The following GPR89A variants were observed in gnomAD, a reference collection of about 807,000 sequenced individuals.
The protein encoded by GPR89A is G protein-coupled receptor 89A.
In GPR89A, 16 loss-of-function variants were observed where a neutral mutation model predicts 52.0. The observed-to-expected ratio is 0.31, with a 90% confidence interval of 0.21 to 0.47. The LOEUF is 0.47. Among genes scored for constraint, GPR89A ranks in the 20% least tolerant of loss-of-function variants. The probability of loss-of-function intolerance (pLI) is 1.00; values close to 1 mark genes in which losing one functional copy is unlikely to be tolerated. For missense variants in GPR89A, 135 were observed against 449.4 expected, an observed-to-expected ratio of 0.30 and a Z score of 6.33; for synonymous variants, 55 against 150.9, an observed-to-expected ratio of 0.36 and a Z score of 4.66.
intron 8 of GPR89A, chr1:145,644,564 A>G (rs1553692239): frequency 6.8e-6 from 1 of 146,558 alleles, no homozygotes; most frequent in Admixed American, 6.7e-5. Context: ...CGGCAACATG[A>G]CAAAACCTCA....
At chr1:145,659,053 A>T (rs1175253325) in intron 10 of GPR89A, among the ~76,000 whole-genome samples, 2 of 152,028 alleles carry the variant, frequency 1.3e-5, no homozygotes, top group African/African-American at 2.4e-5. Flanking sequence ...CTGGGATTAT[A>T]TCCGTGAGCC....
At chr1:145,639,458 G>A (rs587654256) in intron 7 of GPR89A, among the ~76,000 whole-genome samples, 10 of 152,070 alleles carry the variant, frequency 6.6e-5, no homozygotes, top group African/African-American at 1.9e-4. Context: ...CAGAAATACC[G>A]ACACATGGCC....
intron 5 of GPR89A, among the ~76,000 whole-genome samples, chr1:145,627,266 T>C (rs1451378952): frequency 9.2e-5 from 14 of 151,730 alleles, no homozygotes; most frequent in Admixed American, 1.3e-4. Flanking sequence ...GAAAAAGATA[T>C]GTAATAAAAG....
chr1:145,621,107 A>C (rs1649108340), intron 3 of GPR89A, among the ~76,000 whole-genome samples: 2 of 151,894 alleles, frequency 1.3e-5, no homozygotes, highest in Admixed American at 1.3e-4. Context: ...CTTTTACTGA[A>C]TGGCTCTTTG....
rs587612679 is a variant in GPR89A at position 145,665,286 on chromosome 1, G to T, written c.1006-276G>T. Among the ~76,000 whole-genome samples, 9 of 151,674 alleles carry T rather than the reference G, an allele frequency of 5.9e-5. No individual in the cohort carries two copies. In the East Asian group the frequency reaches 1.8e-3, roughly 30 times the overall value. ...TTGCTTGAGCCCAGGAGTTTGAGAC[G>T]AGCCTGAACTACATAGCAAGACCCT... On this transcript the variant is annotated intron_variant, in intron 11 of 13. Transcript: ENST00000313835.
chr1:145,658,229 C>T (rs1651947017), intron 10 of GPR89A, among the ~76,000 whole-genome samples: 1 of 151,670 alleles, frequency 6.6e-6, no homozygotes, highest in Non-Finnish European at 1.5e-5. Flanking sequence ...AGACGAGTCT[C>T]ACTATATTGC....
At chr1:145,660,481 T>C (rs1360190838) in intron 10 of GPR89A, among the ~76,000 whole-genome samples, 3 of 151,692 alleles carry the variant, frequency 2.0e-5, no homozygotes, top group African/African-American at 4.8e-5. Flanking sequence ...AAAGAGCTTC[T>C]GCACAGCAAA....
At chr1:145,616,006 C>T (rs1553686913) in intron 1 of GPR89A, among the ~76,000 whole-genome samples, 2 of 151,092 alleles carry the variant, frequency 1.3e-5, no homozygotes, top group East Asian at 1.9e-4. Context: ...CCATTTTTGT[C>T]TTAAAGCATA....
chr1:145,657,978 A>T (rs1651924107), intron 10 of GPR89A, among the ~76,000 whole-genome samples: 1 of 151,982 alleles, frequency 6.6e-6, no homozygotes, highest in Non-Finnish European at 1.5e-5. Context: ...TTATCAAGCC[A>T]AAAAGAAATT....
intron 11 of GPR89A, 53 bp from the exon 12 acceptor site, chr1:145,665,509 T>TA (rs1470458755): frequency 2.1e-5 from 33 of 1,560,774 alleles, no homozygotes; most frequent in African/African-American, 5.4e-5. Flanking sequence ...GCTTAGCCCT[T>TA]ACGTCTCTCT....
At position 145,660,427 on chromosome 1, in the gene GPR89A, A is replaced by G. The variant is rs1460683224; in HGVS notation, c.910-2902A>G. On this transcript the variant is annotated intron_variant, in intron 10 of 13. Transcript: ENST00000313835. ...CATGTCTAAAAGCATACCAAAAGCA[A>G]TGGCAACAAAAGCCAAAATTGACAA... Among the ~76,000 whole-genome samples, 11 of 152,184 alleles carry G rather than the reference A, an allele frequency of 7.2e-5. No individual in the cohort carries two copies. The South Asian group carries it at 1.2e-3, about 17-fold the overall frequency.
At chr1:145,643,410 C>T (rs1362034712) in intron 7 of GPR89A, among the ~76,000 whole-genome samples, 2 of 152,018 alleles carry the variant, frequency 1.3e-5, no homozygotes, top group Admixed American at 6.5e-5. Flanking sequence ...AGGTGATCCA[C>T]CTGCCTCGGC....
intron 2 of GPR89A, among the ~76,000 whole-genome samples, chr1:145,617,869 C>T (rs1420580737): frequency 2.0e-5 from 3 of 152,016 alleles, no homozygotes; most frequent in South Asian, 2.1e-4. Context: ...TAAACTTTCC[C>T]AGGGAGTTTA....
At chr1:145,635,718 TGTA>T (rs1190578734) in intron 7 of GPR89A, among the ~76,000 whole-genome samples, 4 of 152,204 alleles carry the variant, frequency 2.6e-5, no homozygotes, top group Non-Finnish European at 4.4e-5. Context: ...TACTCATGCC[TGTA>T]ACCCTAACGC....
intron 7 of GPR89A, among the ~76,000 whole-genome samples, chr1:145,636,016 A>T (rs1325464465): frequency 6.6e-6 from 1 of 152,026 alleles, no homozygotes; most frequent in African/African-American, 2.4e-5. Context: ...CTTTTAAGCC[A>T]TTTCATACTA....
intron 7 of GPR89A, among the ~76,000 whole-genome samples, chr1:145,639,759 A>AG (rs1650508027): frequency 6.9e-6 from 1 of 144,838 alleles, no homozygotes; most frequent in Non-Finnish European, 1.5e-5. Flanking sequence ...AAAAAAAAAA[A>AG]AGAAAAGAAA....
chr1:145,642,739 C>T (rs1650734605), intron 7 of GPR89A, among the ~76,000 whole-genome samples: 1 of 151,604 alleles, frequency 6.6e-6, no homozygotes, highest in Non-Finnish European at 1.5e-5. Flanking sequence ...TTCTTTGGTC[C>T]TGCTACTCTA....
intron 8 of GPR89A, 142 bp from the exon 9 acceptor site, chr1:145,646,042 G>A: frequency 7.8e-7 from 1 of 1,288,988 alleles, no homozygotes; most frequent in Non-Finnish European, 1.1e-6. Flanking sequence ...CTCTGAAGTA[G>A]CGCTGCTGGC....
At chr1:145,622,941 A>G in intron 3 of GPR89A, 113 bp from the exon 4 acceptor site, 4 of 1,522,488 alleles carry the variant, frequency 2.6e-6, no homozygotes, top group Non-Finnish European at 3.5e-6. Flanking sequence ...CTGATTAGAT[A>G]GGATATATTC....
Sources: gnomAD v4.1 joint callset for allele counts (sites outside exome capture counted in the v4.1 genomes callset) on GRCh38, gnomAD v4.1.1 for gene constraint, MANE v1.5 for transcripts, NCBI Gene and HGNC (gene_info 2026-07-23, HGNC 2026-07-21) for gene names.